The following EPHA6 variants were observed in gnomAD, a reference collection of about 807,000 sequenced individuals.
The protein encoded by EPHA6 is ephrin type-A receptor 6.
EPHA6 carries 50 observed loss-of-function variants against 112.0 expected under a neutral mutation model. The ratio of observed to expected loss-of-function variants is 0.45; its 90% CI spans 0.36 to 0.56. The LOEUF is 0.56. Ranked by LOEUF, EPHA6 falls within the 20% of genes least tolerant of loss-of-function variation. The pLI, the probability that EPHA6 is intolerant of heterozygous loss-of-function variation, is 0.00. For missense variants in EPHA6, 1,280 were observed against 1,417.4 expected (o/e 0.90, Z 1.56); for synonymous variants, 529 against 490.7 (o/e 1.08, Z -1.03).
intron 3 of EPHA6, among the ~76,000 whole-genome samples, chr3:97,017,168 A>C (rs1458606054): frequency 6.6e-6 from 1 of 152,266 alleles, no homozygotes; most frequent in East Asian, 1.9e-4. Context: ...CACAGTACCT[A>C]GACTTAATTT....
intron 3 of EPHA6, among the ~76,000 whole-genome samples, chr3:97,011,375 T>C (rs774359610): frequency 6.6e-5 from 10 of 152,120 alleles, no homozygotes; most frequent in Non-Finnish European, 1.3e-4. Flanking sequence ...AGGAAGAAAA[T>C]TGAAACTGCC....
chr3:97,390,725 C>T (rs1305952804), intron 5 of EPHA6, among the ~76,000 whole-genome samples: 1 of 151,768 alleles, frequency 6.6e-6, no homozygotes, highest in East Asian at 1.9e-4. Context: ...CAAAATTTCA[C>T]CAATTAGAAT....
chr3:96,924,313 C>A (rs2039923490), intron 2 of EPHA6, among the ~76,000 whole-genome samples: 1 of 152,056 alleles, frequency 6.6e-6, no homozygotes, highest in South Asian at 2.1e-4. Context: ...TGTGTCGTCT[C>A]TGATTTCTTT....
intron 16 of EPHA6, among the ~76,000 whole-genome samples, chr3:97,736,755 G>T (rs2101376): frequency 0.98 from 149,180 of 152,010 alleles, 73,222 homozygotes; most frequent in East Asian, 0.99. Context: ...CTCACCTCCC[G>T]GTGAAGAGCA....
intron 2 of EPHA6, among the ~76,000 whole-genome samples, chr3:96,948,342 C>T (rs2041376370): frequency 6.6e-6 from 1 of 152,138 alleles, no homozygotes; most frequent in Admixed American, 6.6e-5. Context: ...GATTCCTCCA[C>T]CCATATTCCT....
chr3:97,024,996 G>T (rs1175618302), intron 3 of EPHA6, among the ~76,000 whole-genome samples: 1 of 152,174 alleles, frequency 6.6e-6, no homozygotes. Context: ...CTCTGTATAT[G>T]TAATGTAAAG....
At chr3:97,296,880 C>T (rs994574455) in intron 5 of EPHA6, among the ~76,000 whole-genome samples, 5 of 152,168 alleles carry the variant, frequency 3.3e-5, no homozygotes, top group African/African-American at 1.2e-4. Context: ...GCAGCATCAT[C>T]CCACTGTAGT....
intron 10 of EPHA6, among the ~76,000 whole-genome samples, chr3:97,527,019 T>A (rs1577670836): frequency 6.6e-6 from 1 of 152,040 alleles, no homozygotes; most frequent in East Asian, 1.9e-4. Context: ...TCTCTCTAGG[T>A]CCCTGTGTGA....
intron 5 of EPHA6, among the ~76,000 whole-genome samples, chr3:97,260,678 A>G (rs974600180): frequency 1.3e-5 from 2 of 152,236 alleles, no homozygotes; most frequent in Non-Finnish European, 2.9e-5. Flanking sequence ...ATAAACAGCC[A>G]TTAGGGTAGA....
intron 12 of EPHA6, among the ~76,000 whole-genome samples, chr3:97,601,355 CATA>C (rs2093641775): frequency 6.6e-6 from 1 of 152,066 alleles, no homozygotes; most frequent in Admixed American, 6.6e-5. Flanking sequence ...TAATTGGGAA[CATA>C]ATAAGAAACT....
intron 14 of EPHA6, among the ~76,000 whole-genome samples, chr3:97,707,890 T>C (rs2033765534): frequency 6.6e-6 from 1 of 152,154 alleles, no homozygotes; most frequent in South Asian, 2.1e-4. Flanking sequence ...CTTTCTCTTC[T>C]CCTTCTGCCA....
intron 5 of EPHA6, among the ~76,000 whole-genome samples, chr3:97,315,422 G>A (rs767331569): frequency 9.2e-5 from 14 of 151,788 alleles, no homozygotes; most frequent in Admixed American, 2.0e-4. Flanking sequence ...TCCCTAATAA[G>A]ATGACTTTTA....
chr3:97,172,101 G>A (rs989429083), intron 3 of EPHA6, among the ~76,000 whole-genome samples: 11 of 152,022 alleles, frequency 7.2e-5, no homozygotes. Context: ...CAAAAAAGTG[G>A]TGGGTGCTGT....
chr3:97,668,911 C>CA (rs397990599), intron 14 of EPHA6, among the ~76,000 whole-genome samples: 10,599 of 31,708 alleles, frequency 0.33, 4,208 homozygotes, highest in East Asian at 0.56. Flanking sequence ...GACTCTGTCT[C>CA]AAAAAAAAAA....
intron 3 of EPHA6, among the ~76,000 whole-genome samples, chr3:97,173,046 C>T (rs1305717872): frequency 6.6e-6 from 1 of 151,798 alleles, no homozygotes; most frequent in African/African-American, 2.4e-5. Context: ...CATGTTTTGT[C>T]ATTTTTTTAT....
chr3:97,512,406 A>AT (rs2107594890), intron 10 of EPHA6, among the ~76,000 whole-genome samples: 1 of 152,334 alleles, frequency 6.6e-6, no homozygotes, highest in African/African-American at 2.4e-5. Context: ...ATAAATAGTA[A>AT]TTCAGGACAC....
intron 2 of EPHA6, among the ~76,000 whole-genome samples, chr3:96,941,371 T>G (rs2040934179): frequency 6.6e-6 from 1 of 152,308 alleles, no homozygotes; most frequent in South Asian, 2.1e-4. Context: ...ACTGATACCC[T>G]TTCTTCCAGT....
intron 11 of EPHA6, among the ~76,000 whole-genome samples, chr3:97,546,090 A>G (rs1281002287): frequency 6.6e-6 from 1 of 152,196 alleles, no homozygotes; most frequent in East Asian, 1.9e-4. Flanking sequence ...GTTATGTGTG[A>G]ATTTGATCCT....
chr3:97,411,484 T>A (rs376640393), intron 6 of EPHA6, among the ~76,000 whole-genome samples: 1 of 152,130 alleles, frequency 6.6e-6, no homozygotes, highest in South Asian at 2.1e-4. Flanking sequence ...AGTTATTCTA[T>A]CTTTGGTTTG....
Sources: allele counts gnomAD v4.1 joint callset (sites outside exome capture counted in the v4.1 genomes callset), GRCh38; gene constraint gnomAD v4.1.1; transcripts MANE v1.5; gene names NCBI Gene and HGNC (gene_info 2026-07-23, HGNC 2026-07-21).